HDAC9: variants seen among roughly 807,000 people sequenced by gnomAD.
HDAC9 encodes MEF-2 interacting transcription repressor (MITR) protein.
In HDAC9, 41 loss-of-function variants were observed where a neutral mutation model predicts 139.4. The observed-to-expected ratio is 0.29, with a 90% CI of 0.23 to 0.38. The LOEUF (loss-of-function observed/expected upper bound fraction) is 0.38. Among genes scored for constraint, HDAC9 ranks in the 10% least tolerant of loss-of-function variants. The pLI is 1.00. For missense variants in HDAC9, 1,147 were observed against 1,297.0 expected (o/e 0.88, Z 1.78); for synonymous variants, 517 against 476.2 (o/e 1.09, Z -1.12).
At chr7:18,754,573 T>C (rs1365242681) in intron 14 of HDAC9, among the ~76,000 whole-genome samples, 1 of 152,136 alleles carries the variant, frequency 6.6e-6, no homozygotes, top group African/African-American at 2.4e-5. Flanking sequence ...GTGACTAATA[T>C]TGAATAACTT....
At chr7:18,496,224 GCAGA>G in intron 1 of HDAC9, 34 bp from the exon 2 acceptor site, 1 of 1,602,492 alleles carries the variant, frequency 6.2e-7, no homozygotes, top group Non-Finnish European at 8.5e-7. Flanking sequence ...GGAATATGCT[GCAGA>G]CAATTTACGA....
chr7:18,852,503 C>T (rs1453494300), intron 21 of HDAC9, among the ~76,000 whole-genome samples: 2 of 152,030 alleles, frequency 1.3e-5, no homozygotes, highest in African/African-American at 4.8e-5. Context: ...AATACAAAGG[C>T]AAAAATTCAA....
At chr7:18,329,063 T>C (rs1482160125) in intron 1 of HDAC9, among the ~76,000 whole-genome samples, 1 of 151,860 alleles carries the variant, frequency 6.6e-6, no homozygotes, top group Non-Finnish European at 1.5e-5. Flanking sequence ...TTCATTTGTT[T>C]CTTCTAGGTT....
At position 18,422,892 on chromosome 7, in the gene HDAC9, A is replaced by C. The variant is rs115509741; in HGVS notation, c.-41-73370A>C. On this transcript the variant is annotated intron_variant, in intron 1 of 3. Coordinates refer to the HDAC9 transcript ENST00000413509. ...AATTTTACTGCTTCTTTACAGTCCT[A>C]AGTTTGCATATGGAGAGGTTAGGTC... is the stretch of plus-strand genomic sequence containing the variant. Among the ~76,000 whole-genome samples the C allele has an allele frequency of 2.9e-3, 447 of 152,164 alleles. 1 individual carries two copies. The highest frequency in any genetic ancestry group is 1.0e-2 in the African/African-American group (414 of 41,512).
At chr7:18,942,439 A>G (rs1213494926) in intron 23 of HDAC9, among the ~76,000 whole-genome samples, 2 of 152,060 alleles carry the variant, frequency 1.3e-5, no homozygotes, top group Non-Finnish European at 2.9e-5. Context: ...GAATCTGGGT[A>G]ATGGAATATC....
chr7:18,623,139 G>A (rs1241255878), intron 6 of HDAC9, among the ~76,000 whole-genome samples: 3 of 110,686 alleles, frequency 2.7e-5, no homozygotes, highest in Non-Finnish European at 6.0e-5. Context: ...GTGAGACCCG[G>A]TCTCTGGAAA....
At chr7:18,347,481 A>G (rs1045669193) in intron 1 of HDAC9, among the ~76,000 whole-genome samples, 1 of 152,236 alleles carries the variant, frequency 6.6e-6, no homozygotes, top group Non-Finnish European at 1.5e-5. Context: ...CTAATGGGAA[A>G]ACAAAACTAA....
intron 1 of HDAC9, among the ~76,000 whole-genome samples, chr7:18,332,356 C>A (rs932293778): frequency 8.4e-6 from 1 of 119,036 alleles, no homozygotes; most frequent in Non-Finnish European, 1.8e-5. Context: ...GCTGTGCATG[C>A]GCACATGTGT....
intron 11 of HDAC9, among the ~76,000 whole-genome samples, chr7:18,650,714 A>G (rs1456625744): frequency 6.6e-6 from 1 of 152,210 alleles, no homozygotes; most frequent in Non-Finnish European, 1.5e-5. Flanking sequence ...TCTTCCCAGA[A>G]TTAGAAACAA....
chr7:18,116,355 A>G (rs1052483233), intron 1 of HDAC9, among the ~76,000 whole-genome samples: 11 of 152,146 alleles, frequency 7.2e-5, no homozygotes, highest in African/African-American at 2.7e-4. Context: ...AATTTTTTGA[A>G]AAGGATAAAG....
intron 21 of HDAC9, among the ~76,000 whole-genome samples, chr7:18,840,873 A>G (rs1247542747): frequency 2.6e-5 from 4 of 152,140 alleles, no homozygotes; most frequent in Middle Eastern, 3.2e-3. Context: ...TGAGTCTTTA[A>G]TATAAGAATC....
At chr7:18,354,656 C>G (rs1375139141) in intron 1 of HDAC9, among the ~76,000 whole-genome samples, 2 of 152,168 alleles carry the variant, frequency 1.3e-5, no homozygotes, top group African/African-American at 2.4e-5. Context: ...TAATACCTAT[C>G]TTTGCTTTCT....
intron 22 of HDAC9, among the ~76,000 whole-genome samples, chr7:18,924,153 T>C (rs574328879): frequency 1.3e-5 from 2 of 151,994 alleles, no homozygotes; most frequent in South Asian, 4.1e-4. Flanking sequence ...AAAAAAACTA[T>C]CCTAACTATC....
At chr7:18,759,495 A>T (rs933051411) in intron 14 of HDAC9, among the ~76,000 whole-genome samples, 1 of 151,942 alleles carries the variant, frequency 6.6e-6, no homozygotes, top group Non-Finnish European at 1.5e-5. Context: ...TCACCCCCAG[A>T]GGGGACCATC....
chr7:18,720,748 C>A (rs1397666996), intron 12 of HDAC9, among the ~76,000 whole-genome samples: 5 of 150,912 alleles, frequency 3.3e-5, no homozygotes, highest in Admixed American at 2.6e-4. Context: ...GTGGCCTGAT[C>A]GTGGCTCACT....
chr7:18,293,356 G>T lies in HDAC9; in HGVS notation c.-42+2841G>T, dbSNP rs891314330. Among the ~76,000 whole-genome samples the T allele has an allele frequency of 4.0e-5, 6 of 151,440 alleles. No individual in the cohort carries two copies. In the South Asian group the frequency reaches 8.3e-4, roughly 21 times the overall value. The stretch of plus-strand genomic sequence containing the variant: ...AAGTTTAAGGGTACATGTGCACAAC[G>T]TGCAGGTTTGTTATATATGGAACCC... On this transcript the variant is annotated intron_variant, in intron 1 of 3. Coordinates refer to the HDAC9 transcript ENST00000413509.
intron 22 of HDAC9, among the ~76,000 whole-genome samples, chr7:18,922,083 T>TGGGGGGGGGG: frequency 1.3e-5 from 1 of 76,306 alleles, no homozygotes; most frequent in South Asian, 4.2e-4. Context: ...TGTTGTGGGG[T>TGGGGGGGGGG]GGGGGGAGGG....
chr7:18,211,615 C>G (rs544170604), intron 2 of HDAC9, among the ~76,000 whole-genome samples: 1 of 152,270 alleles, frequency 6.6e-6, no homozygotes, highest in East Asian at 1.9e-4. Flanking sequence ...AAACTGTAAT[C>G]TGGAGATAAC....
At chr7:18,676,331 TG>T (rs1407048543) in intron 12 of HDAC9, among the ~76,000 whole-genome samples, 1 of 152,058 alleles carries the variant, frequency 6.6e-6, no homozygotes, top group African/African-American at 2.4e-5. Context: ...ACAAATGTTC[TG>T]GGAAACTTCC....
Sources: gnomAD v4.1 joint callset for allele counts (sites outside exome capture counted in the v4.1 genomes callset) on GRCh38, gnomAD v4.1.1 for gene constraint, MANE v1.5 for transcripts, NCBI Gene and HGNC (gene_info 2026-07-23, HGNC 2026-07-21) for gene names.